RTL1: variants seen among roughly 807,000 people sequenced by gnomAD.
RTL1 encodes the protein retrotransposon Gag like 1.
For synonymous variants in RTL1, 727 were observed against 748.4 expected (o/e 0.97, Z 0.47); for missense variants, 1,681 against 1,767.5 (o/e 0.95, Z 0.88).
chr14:100,880,871 C>T lies in RTL1; in HGVS notation c.3918G>A (p.Leu1306=). ...CTGCCTGCTCCCGGCTGAGCAGGTGCAGCTGGCCATCTGCACTGTGGATGT... is the reference window on the plus strand; with the variant it reads ...CTGCCTGCTCCCGGCTGAGCAGGTGTAGCTGGCCATCTGCACTGTGGATGT... ...LLHIHSADGQ[L]HLLSREQAAR... The change falls in exon 4 of 4, where the codon CTG becomes CTA. Residue 1306 remains leucine, a synonymous_variant. Transcript: ENST00000649591. The T allele has an allele frequency of 3.9e-6, 6 of 1,536,778 alleles. No individual in the cohort carries two copies. The highest frequency in any genetic ancestry group is 5.3e-6 in the Non-Finnish European group (6 of 1,140,534).
intron 2 of RTL1, among the ~76,000 whole-genome samples, chr14:100,897,008 C>G (rs756587857): frequency 1.3e-5 from 2 of 152,156 alleles, no homozygotes; most frequent in Non-Finnish European, 2.9e-5. Flanking sequence ...GTAAAGCACT[C>G]CCCCGTGGGT....
At chr14:100,897,162 T>C (rs1469031996) in intron 2 of RTL1, among the ~76,000 whole-genome samples, 1 of 152,164 alleles carries the variant, frequency 6.6e-6, no homozygotes, top group Non-Finnish European at 1.5e-5. Flanking sequence ...AAAAAACATA[T>C]TCGCGATAAA....
Position 100,880,789 on chromosome 14 carries a change from C to T in RTL1, c.4000G>A (p.Ala1334Thr), listed in dbSNP as rs750552945. 178 of 1,550,204 alleles carry T rather than the reference C, an allele frequency of 1.1e-4. No individual in the cohort carries two copies. Among genetic ancestry groups the T allele is most frequent in the South Asian group, 5.4e-4 (45 of 84,046 alleles). The change falls in exon 4 of 4, where the codon GCC (alanine) becomes ACC (threonine). Residue 1334 changes from alanine (A) to threonine (T), a missense_variant. By Grantham distance (58) the Ala-to-Thr change is moderately conservative (BLOSUM62 0). Coordinates refer to ENST00000649591, the MANE Select transcript of RTL1 (RefSeq NM_001134888.3). The part of the protein sequence containing the change: ...LIYRRALPIP[A>T]WESQPREQAR... ...TGCTCCCTGGGCTGGCTCTCCCAGGCGGGGATGGGCAGGGCCCGCCTGTAG... is the reference window on the plus strand; with the variant it reads ...TGCTCCCTGGGCTGGCTCTCCCAGGTGGGGATGGGCAGGGCCCGCCTGTAG...
chr14:100,890,165 C>A (rs900039794), intron 3 of RTL1, among the ~76,000 whole-genome samples: 23 of 151,620 alleles, frequency 1.5e-4, no homozygotes, highest in Non-Finnish European at 2.8e-4. Flanking sequence ...GACCCTCTTC[C>A]CCCCAACACT....
At chr14:100,886,373 A>G (rs1465731759) in intron 3 of RTL1, among the ~76,000 whole-genome samples, 2 of 152,226 alleles carry the variant, frequency 1.3e-5, no homozygotes, top group Admixed American at 6.5e-5. Flanking sequence ...CTCTCTGATT[A>G]AAGCCTTCCA....
rs755497752 is a variant in RTL1, at chr14:100,882,326, G to A, written c.2463C>T (p.His821=). ...NFIEFVFPYR[H]FVERFSIIAE... ...CGATGATGCTGAAGCGCTCCACGAA[G>A]TGGCGGTAGGGGAAGACGAATTCGA... The change falls in exon 4 of 4, where the codon CAC becomes CAT. Residue 821 remains histidine, a synonymous_variant. Coordinates refer to ENST00000649591, the MANE Select transcript of RTL1 (RefSeq NM_001134888.3). 2 of 1,551,730 alleles carry A rather than the reference G, an allele frequency of 1.3e-6. No individual in the cohort carries two copies. The highest frequency in any genetic ancestry group is 1.2e-5 in the South Asian group (1 of 84,064).
At chr14:100,896,309 C>T (rs184961199) in intron 2 of RTL1, among the ~76,000 whole-genome samples, 51 of 152,198 alleles carry the variant, frequency 3.4e-4, no homozygotes, top group East Asian at 5.8e-4. Flanking sequence ...AAGAAGTTCT[C>T]GAAGGCCTCT....
At chr14:100,890,143 G>A (rs1041717205) in intron 3 of RTL1, among the ~76,000 whole-genome samples, 1 of 149,980 alleles carries the variant, frequency 6.7e-6, no homozygotes, top group African/African-American at 2.4e-5. Context: ...TGCCTTTGAG[G>A]TCTTCGAATG....
At position 100,893,740 on chromosome 14, in the gene RTL1, ACT is replaced by A. The variant is rs138306669; in HGVS notation, c.-148-237_-148-236del. On this transcript the variant is annotated intron_variant, in intron 2 of 3. Coordinates refer to ENST00000649591, the MANE Select transcript of RTL1 (RefSeq NM_001134888.3). The surrounding 1 kb of genome is among the most constrained non-coding windows in gnomAD (Gnocchi z 4.2). ...TGCTTTCACCATTTTACAGGTTTTCACTCTTTCAATCGTTCTAAGAAGCTGCG... is the reference window on the plus strand; with the variant it reads ...TGCTTTCACCATTTTACAGGTTTTCACTTTCAATCGTTCTAAGAAGCTGCG... Among the ~76,000 whole-genome samples, 3,825 of 151,932 alleles carry A rather than the reference ACT, an allele frequency of 0.025. 121 individuals are homozygous for A. The highest frequency in any genetic ancestry group is 0.13 in the South Asian group (615 of 4,798).
chr14:100,888,300 G>A (rs1251674699), intron 3 of RTL1, among the ~76,000 whole-genome samples: 1 of 152,140 alleles, frequency 6.6e-6, no homozygotes, highest in African/African-American at 2.4e-5. Flanking sequence ...ACTTGTTTGA[G>A]CATGTAACTT....
Position 100,881,361 on chromosome 14 carries a change from G to A in RTL1, c.3428C>T (p.Thr1143Ile). ...AGCGGGCATCTGGGTGAGCAGCTGGGTGATGGCTGTCGTGATGCTGCTGCC... is the reference window on the plus strand; with the variant it reads ...AGCGGGCATCTGGGTGAGCAGCTGGATGATGGCTGTCGTGATGCTGCTGCC... ...IAGSSITTAI[T>I]QLLTQMPALV... is the part of the protein sequence containing the mutation. Residue 1143 changes from threonine (T) to isoleucine (I), a missense_variant, in exon 4 of 4, where the codon ACC (threonine) becomes ATC (isoleucine). Coordinates refer to ENST00000649591, the MANE Select transcript of RTL1 (RefSeq NM_001134888.3). The surrounding 1 kb of genome is among the most constrained non-coding windows in gnomAD (Gnocchi z 6.6). 1 of 1,550,656 alleles carries A rather than the reference G, an allele frequency of 6.4e-7. No individual in the cohort carries two copies. Among genetic ancestry groups the A allele is most frequent in the African/African-American group, 1.4e-5 (1 of 73,192 alleles).
chr14:100,900,062 G>A (rs567585962), intron 2 of RTL1, among the ~76,000 whole-genome samples: 2 of 152,232 alleles, frequency 1.3e-5, no homozygotes, highest in Non-Finnish European at 2.9e-5. Context: ...ACTTTGAATC[G>A]GGTTTCCCGA....
chr14:100,894,178 C>T (rs558842719), intron 2 of RTL1, among the ~76,000 whole-genome samples: 3 of 151,806 alleles, frequency 2.0e-5, no homozygotes, highest in South Asian at 2.1e-4. Flanking sequence ...GGTGTGGTGG[C>T]GTGCGCCTGT....
Position 100,881,214 on chromosome 14 carries a change from A to G in RTL1, c.3575T>C (p.Phe1192Ser). ...GAAGAACTCACACAGCGTCAGCCAG[A>G]AGCCAGGGGTGAACTGCAGGCCTCG... ...AHRGLQFTPG[F>S]WLTLCEFFGV... Residue 1192 changes from phenylalanine to serine, a missense_variant, in exon 4 of 4, where the codon TTC becomes TCC. By Grantham distance (155) the Phe-to-Ser change is radical. Transcript: ENST00000649591. This position sits in a 1 kb window ranked among gnomAD's most constrained non-coding sequence, Gnocchi z 6.6. The G allele has an allele frequency of 6.5e-7, 1 of 1,544,846 alleles. No homozygotes were observed. Among genetic ancestry groups the G allele is most frequent in the Admixed American group, 2.0e-5 (1 of 50,704 alleles).
At chr14:100,900,070 C>T (rs751598917) in intron 2 of RTL1, among the ~76,000 whole-genome samples, 2 of 152,196 alleles carry the variant, frequency 1.3e-5, no homozygotes, top group African/African-American at 2.4e-5. Context: ...TCGGGTTTCC[C>T]GAAAAGTTTG....
rs1055841531 is a variant in RTL1 at position 100,881,580 on chromosome 14, G to A, written c.3209C>T (p.Ala1070Val). The part of the protein sequence containing the change: ...LNSFLAHFSM[A>V]QIRAVILHFF... The stretch of plus-strand genomic sequence containing the variant: ...GTGCAGAATGACGGCCCTGATCTGG[G>A]CCATGCTGAAGTGGGCGAGGAAGCT... Residue 1070 changes from alanine (A) to valine (V), a missense_variant, in exon 4 of 4, where the codon GCC becomes GTC. Coordinates refer to ENST00000649591, the MANE Select transcript of RTL1 (RefSeq NM_001134888.3). The surrounding 1 kb of genome is among the most constrained non-coding windows in gnomAD (Gnocchi z 6.6). The A allele has an allele frequency of 6.4e-7, 1 of 1,551,668 alleles. No homozygotes were observed. Among genetic ancestry groups the A allele is most frequent in the African/African-American group, 1.4e-5 (1 of 73,068 alleles).
rs745330259 is a variant in RTL1, at chr14:100,884,779, G to T, written c.10C>A (p.Pro4Thr). The T allele has an allele frequency of 1.9e-6, 3 of 1,566,014 alleles. No homozygotes were observed. The Admixed American group carries it at 5.9e-5, about 31-fold the overall frequency. The change falls in exon 4 of 4, where the codon CCC (proline) becomes ACC (threonine). Residue 4 changes from proline to threonine, a missense_variant. By Grantham distance (38) the Pro-to-Thr change is conservative. Coordinates refer to ENST00000649591, the MANE Select transcript of RTL1 (RefSeq NM_001134888.3). ...ATCGTCTCAAATGAGTCTTCAGAGG[G>T]TTCTATCATTTCGTCGGATGGAAAG... is the stretch of plus-strand genomic sequence containing the variant. MIE[P>T]SEDSFETMME...
chr14:100,890,074 GA>G (rs55688942), intron 3 of RTL1, among the ~76,000 whole-genome samples: 18,769 of 123,748 alleles, frequency 0.15, 1,701 homozygotes, highest in African/African-American at 0.29. Flanking sequence ...CGCCTTATTT[GA>G]AAAAAAAAAA....
Position 100,893,868 on chromosome 14 carries a change from C to T in RTL1, c.-148-363G>A, listed in dbSNP as rs371589247. 6.6e-5 allele frequency among the ~76,000 whole-genome samples: 10 copies of T among 152,186 alleles called. No individual in the cohort carries two copies. The highest frequency in any genetic ancestry group is 4.1e-4 in the South Asian group (2 of 4,834). On this transcript the variant is annotated intron_variant, in intron 2 of 3. Transcript: ENST00000649591. This position sits in a 1 kb window ranked among gnomAD's most constrained non-coding sequence, Gnocchi z 4.2. ...CGGGCCCACGCTCACTTTAATAACC[C>T]GGACTGGGCAAGGACTAAGTCCAGC...
Sources: allele counts gnomAD v4.1 joint callset (sites outside exome capture counted in the v4.1 genomes callset), GRCh38; gene constraint gnomAD v4.1.1; non-coding constraint Gnocchi (gnomAD v3.1); transcripts MANE v1.5; gene names NCBI Gene and HGNC (gene_info 2026-07-23, HGNC 2026-07-21).